Variants in DMGDH observed in about 807,000 individuals in gnomAD.
The protein encoded by DMGDH is dimethylglycine dehydrogenase.
Under a neutral mutation model 95.2 loss-of-function variants are expected in DMGDH, and 76 were observed. The ratio of observed to expected loss-of-function variants is 0.80; its 90% CI spans 0.66 to 0.97. DMGDH has a LOEUF of 0.97. Among genes scored for constraint, DMGDH ranks in the 50% least tolerant of loss-of-function variants. The pLI is 0.00. For missense variants in DMGDH, 987 were observed against 1,055.0 expected (o/e 0.94, Z 0.89); for synonymous variants, 345 against 377.6 (o/e 0.91, Z 1.00).
intron 5 of DMGDH, among the ~76,000 whole-genome samples, chr5:79,048,131 T>C (rs1754733263): frequency 6.6e-6 from 1 of 150,928 alleles, no homozygotes; most frequent in African/African-American, 2.5e-5. Context: ...ATTGCAATGA[T>C]CATAATAATT....
At chr5:79,050,264 AAAAAAAAAAATAT>A (rs1162707030) in intron 5 of DMGDH, among the ~76,000 whole-genome samples, 16 of 55,662 alleles carry the variant, frequency 2.9e-4, no homozygotes, top group African/African-American at 8.9e-4. Context: ...AAAAAAAAAA[AAAAAAAAAAATAT>A]ATATATATAT....
rs762623167 is a variant in DMGDH at position 79,055,881 on chromosome 5, C to T, written c.304G>A (p.Gly102Arg). 2 of 1,611,690 alleles carry T rather than the reference C, an allele frequency of 1.2e-6. No individual in the cohort carries two copies. The highest frequency in any genetic ancestry group is 2.2e-5 in the South Asian group (2 of 90,992). ...AAGLTTYFHP[G>R]INLKKIHYDS... ...TAATGTATTTTCTTCAAGTTTATTC[C>T]AGGATGAAAGTAAGTTGTTAAACCT... Residue 102 changes from glycine (G) to arginine (R), a missense_variant, in exon 3 of 16, where the codon GGA becomes AGA. Gly to Arg is a moderately radical substitution (Grantham distance 125). Coordinates refer to ENST00000255189, the MANE Select transcript of DMGDH (RefSeq NM_013391.3).
At chr5:79,012,479 C>G (rs1753661951) in intron 14 of DMGDH, among the ~76,000 whole-genome samples, 1 of 152,154 alleles carries the variant, frequency 6.6e-6, no homozygotes, top group South Asian at 2.1e-4. Context: ...GATGGTGGCT[C>G]TCTTCTCACA....
At chr5:79,034,502 G>T (rs1206852379) in intron 7 of DMGDH, among the ~76,000 whole-genome samples, 1 of 152,164 alleles carries the variant, frequency 6.6e-6, no homozygotes, top group Admixed American at 6.5e-5. Flanking sequence ...GGCCTCTACT[G>T]TGGGTTTATG....
rs572478744 is a variant in DMGDH at position 79,006,468 on chromosome 5, G to A, written c.2251-1061C>T. 1.1e-4 allele frequency among the ~76,000 whole-genome samples: 16 copies of A among 152,310 alleles called. No homozygotes were observed. The East Asian group carries it at 1.2e-3, about 11-fold the overall frequency. On this transcript the variant is annotated intron_variant, in intron 14 of 15. Coordinates refer to ENST00000255189, the MANE Select transcript of DMGDH (RefSeq NM_013391.3). Reference sequence around the variant, plus strand: ...CGCCCTGGAGGGAGGGCTGACATCCGTGGGAGGTTAGTATGAGACTTCTGC... The same window carrying A: ...CGCCCTGGAGGGAGGGCTGACATCCATGGGAGGTTAGTATGAGACTTCTGC...
At chr5:79,000,678 T>C in intron 15 of DMGDH, 1 of 611,346 alleles carries the variant, frequency 1.6e-6, no homozygotes, top group South Asian at 1.5e-5. Flanking sequence ...TCATCTGAGG[T>C]TTTTGTATTG....
In DMGDH at chr5:79,000,360, A is replaced by G. The variant is rs192652972; in HGVS notation, c.2386-2063T>C. 1.5e-5 allele frequency: 10 copies of G among 652,470 alleles called. No homozygotes were observed. In the Admixed American group the frequency reaches 1.6e-4, roughly 11 times the overall value. The allele number at this position is 652,470 out of a possible 1,614,324, so 40.4% of individuals were successfully genotyped here. On this transcript the variant is annotated intron_variant, in intron 15 of 15. Coordinates refer to ENST00000255189, the MANE Select transcript of DMGDH (RefSeq NM_013391.3). ...GTAAGAAGGTCTGTTTATTCTCACAATATACTCTGTAGGCATAGATGCTGT... is the reference window on the plus strand; with the variant it reads ...GTAAGAAGGTCTGTTTATTCTCACAGTATACTCTGTAGGCATAGATGCTGT...
Position 79,028,655 on chromosome 5 carries a change from G to C in DMGDH, c.1815-5C>G, listed in dbSNP as rs371689941. The C allele has an allele frequency of 1.2e-6, 2 of 1,613,672 alleles. No homozygotes were observed. The highest frequency in any genetic ancestry group is 1.7e-6 in the Non-Finnish European group (2 of 1,179,826). ...ACTGCTTCTTCTTCAATCCATCTGCGTTTTAGTCATGAACATGGTGTTAAA... is the reference window on the plus strand; with the variant it reads ...ACTGCTTCTTCTTCAATCCATCTGCCTTTTAGTCATGAACATGGTGTTAAA... On this transcript the variant is annotated splice_region_variant and splice_polypyrimidine_tract_variant and intron_variant, in intron 11 of 15. Coordinates refer to ENST00000255189, the MANE Select transcript of DMGDH (RefSeq NM_013391.3).
At chr5:79,029,847 G>A (rs1197849221) in intron 11 of DMGDH, 57 bp downstream of exon 11, 5 of 1,566,576 alleles carry the variant, frequency 3.2e-6, no homozygotes, top group South Asian at 2.3e-5. Flanking sequence ...AAAACTTAAT[G>A]TAAGATTGAG....
intron 1 of DMGDH, among the ~76,000 whole-genome samples, chr5:79,066,435 A>G (rs902364141): frequency 5.4e-5 from 8 of 148,116 alleles, no homozygotes; most frequent in African/African-American, 1.5e-4. Context: ...GCAGGCGCCC[A>G]CCACCACGCC....
chr5:79,063,755 T>C lies in DMGDH; in HGVS notation c.134A>G (p.Gln45Arg). The change falls in exon 2 of 16, where the codon CAA becomes CGA. Residue 45 changes from glutamine to arginine, a missense_variant. Physicochemically the swap from Gln to Arg is conservative, Grantham distance 43. Transcript: ENST00000255189. ...EEKPPLSAETQWKDRAETVII... is the reference protein window; with the variant it reads ...EEKPPLSAETRWKDRAETVII... ...CACTGTTTCTGCTCTGTCTTTCCATTGTGTTTCTGCAGATAAGGGTGGTTT... is the reference window on the plus strand; with the variant it reads ...CACTGTTTCTGCTCTGTCTTTCCATCGTGTTTCTGCAGATAAGGGTGGTTT... 1 of 1,614,158 alleles carries C rather than the reference T, an allele frequency of 6.2e-7. No homozygotes were observed. Among genetic ancestry groups the C allele is most frequent in the South Asian group, 1.1e-5 (1 of 91,082 alleles).
chr5:79,019,506 T>C (rs7709757), intron 14 of DMGDH, among the ~76,000 whole-genome samples: 50,035 of 151,706 alleles, frequency 0.33, 8,988 homozygotes, highest in African/African-American at 0.48. Context: ...ACCATGGACC[T>C]TACACCTAGA....
At chr5:79,000,029 T>A (rs566762821) in intron 15 of DMGDH, 3 of 302,590 alleles carry the variant, frequency 9.9e-6, no homozygotes, top group East Asian at 1.4e-4. Flanking sequence ...CTAACAAATA[T>A]GTTGGAAGAA....
rs763367683 is a variant in DMGDH, at chr5:79,044,540, C to T, written c.758G>A (p.Arg253His). ...TAGTCCAATCATTTTACCTACTTCACGAGCCCAAAATCCTTAAACAAAAAA... is the reference window on the plus strand; with the variant it reads ...TAGTCCAATCATTTTACCTACTTCATGAGCCCAAAATCCTTAAACAAAAAA... ...RIVNAAGFWA[R>H]EVGKMIGLEH... Residue 253 changes from arginine (R) to histidine (H), a missense_variant, in exon 6 of 16, where the codon CGT becomes CAT. Coordinates refer to ENST00000255189, the MANE Select transcript of DMGDH (RefSeq NM_013391.3). 8.1e-6 allele frequency: 13 copies of T among 1,613,912 alleles called. No individual in the cohort carries two copies. In the East Asian group the frequency reaches 1.1e-4, roughly 14 times the overall value.
At chr5:79,022,987 C>T (rs1184788650) in intron 14 of DMGDH, among the ~76,000 whole-genome samples, 1 of 152,186 alleles carries the variant, frequency 6.6e-6, no homozygotes, top group Non-Finnish European at 1.5e-5. Context: ...CCTGCTTTCT[C>T]TGGTCTGGAG....
rs1456470771 is a variant in DMGDH at position 79,069,476 on chromosome 5, C to T, written c.101+44G>A. 1.7e-5 allele frequency: 21 copies of T among 1,202,756 alleles called. No homozygotes were observed. The East Asian group carries it at 6.0e-4, about 35-fold the overall frequency. The allele number at this position is 1,202,756 out of a possible 1,614,324, so 74.5% of individuals were successfully genotyped here. On this transcript the variant is annotated intron_variant, in intron 1 of 15. Transcript: ENST00000255189. ...TGCCTCAGCCTCTGGCTCCCACCCC[C>T]GCAGCCGCCCCGTCGCCTCTGAGCA...
chr5:79,000,972 C>T, intron 15 of DMGDH: 1 of 694,230 alleles, frequency 1.4e-6, no homozygotes, highest in East Asian at 2.5e-5. Context: ...GCAAAGTGTC[C>T]ATTTGGGGTC....
intron 7 of DMGDH, among the ~76,000 whole-genome samples, chr5:79,036,367 C>G (rs1391307987): frequency 1.3e-5 from 2 of 152,180 alleles, no homozygotes; most frequent in Admixed American, 6.5e-5. Flanking sequence ...GGCCTATATG[C>G]TTTTTGAGTG....
chr5:79,032,999 T>C (rs1289236795), intron 8 of DMGDH, among the ~76,000 whole-genome samples, 159 bp from the exon 9 acceptor site: 3 of 152,182 alleles, frequency 2.0e-5, no homozygotes, highest in Non-Finnish European at 4.4e-5. Context: ...AGAGCTGTCA[T>C]TTATATGACT....
Sources: allele counts gnomAD v4.1 joint callset (sites outside exome capture counted in the v4.1 genomes callset), GRCh38; gene constraint gnomAD v4.1.1; transcripts MANE v1.5; gene names NCBI Gene and HGNC (gene_info 2026-07-23, HGNC 2026-07-21).